Variants in DST observed in about 807,000 individuals in gnomAD.
DST encodes the protein dystonin.
A neutral mutation model predicts 875.2 loss-of-function variants in DST; 253 were observed. The ratio of observed to expected loss-of-function variants is 0.29; its 90% CI spans 0.26 to 0.32. The LOEUF (loss-of-function observed/expected upper bound fraction) is 0.32, where lower values mean the gene tolerates loss of function less well. Among genes scored for constraint, DST ranks in the 10% least tolerant of loss-of-function variants. The pLI, the probability that DST is intolerant of heterozygous loss-of-function variation, is 1.00. For missense variants in DST, 8,287 were observed against 9,111.6 expected (o/e 0.91, Z 3.68); for synonymous variants, 3,124 against 3,197.1 (o/e 0.98, Z 0.77).
chr6:56,685,430 G>A (rs1262632474), intron 9 of DST, among the ~76,000 whole-genome samples: 1 of 152,156 alleles, frequency 6.6e-6, no homozygotes, highest in Non-Finnish European at 1.5e-5. Flanking sequence ...TTAAAGAGAT[G>A]TAAATCAGAA....
At position 56,501,587 on chromosome 6, in the gene DST, A is replaced by G; in HGVS notation, c.19673T>C (p.Val6558Ala). 1 of 1,609,590 alleles carries G rather than the reference A, an allele frequency of 6.2e-7. No homozygotes were observed. The highest frequency in any genetic ancestry group is 2.2e-5 in the East Asian group (1 of 44,494). ...KVTEESDKHTVQDPLMELKLI... is the reference protein window; with the variant it reads ...KVTEESDKHTAQDPLMELKLI... The stretch of plus-strand genomic sequence containing the variant: ...TTTCAGTTCCATTAATGGGTCTTGA[A>G]CAGTGTGTTTGTCACTCTCTTCTGT... The change falls in exon 79 of 104, where the codon GTT (valine) becomes GCT (alanine). Residue 6558 changes from valine (V) to alanine (A), a missense_variant. Val to Ala is a moderately conservative substitution (Grantham distance 64). This residue lies in a region of DST where 1,292 missense variants were observed against 1,552.7 expected (regional missense o/e 0.83). Transcript: ENST00000680361.
intron 36 of DST, chr6:56,620,137 T>C: frequency 1.9e-6 from 3 of 1,613,674 alleles, no homozygotes; most frequent in Non-Finnish European, 2.5e-6. Context: ...GTTTCTGAAA[T>C]GCAAGGTCTT....
chr6:56,560,903 T>C (rs1319948858), intron 57 of DST, among the ~76,000 whole-genome samples: 1 of 152,156 alleles, frequency 6.6e-6, no homozygotes, highest in Non-Finnish European at 1.5e-5. Flanking sequence ...TTTCCCAACC[T>C]TGGCAGCTGT....
chr6:56,587,047 C>G (rs2098167743), intron 49 of DST, among the ~76,000 whole-genome samples: 1 of 152,204 alleles, frequency 6.6e-6, no homozygotes, highest in Non-Finnish European at 1.5e-5. Context: ...AGCAACGGAA[C>G]AAAGCTGGAC....
rs73465854 is a variant in DST at position 56,497,053 on chromosome 6, C to T, written c.20223+326G>A. Among the ~76,000 whole-genome samples the T allele has an allele frequency of 0.045, 6,823 of 152,002 alleles. 190 individuals are homozygous for T. Among genetic ancestry groups the T allele is most frequent in the African/African-American group, 0.076 (3,137 of 41,412 alleles). On this transcript the variant is annotated intron_variant, in intron 82 of 103. Transcript: ENST00000680361. ...GGGGGACAGATAGCATTAGGAGATA[C>T]ACCTAATGCTAAATGACGAGTTAAT...
At chr6:56,812,166 T>A (rs2099761172) in intron 4 of DST, among the ~76,000 whole-genome samples, 1 of 100,050 alleles carries the variant, frequency 1.0e-5, no homozygotes, top group African/African-American at 3.2e-5. Context: ...GAAAATATTC[T>A]ATGGCAACTG....
intron 4 of DST, among the ~76,000 whole-genome samples, chr6:56,838,405 G>A (rs187946047): frequency 5.3e-5 from 8 of 152,202 alleles, no homozygotes; most frequent in Non-Finnish European, 1.0e-4. Context: ...ATGACCCAAC[G>A]GCAGAAATAC....
intron 32 of DST, 75 bp downstream of exon 32, chr6:56,629,175 T>C: frequency 7.1e-7 from 1 of 1,418,286 alleles, no homozygotes; most frequent in Non-Finnish European, 1.0e-6. Context: ...AATAGCCTCA[T>C]ATGTGTAGAT....
intron 49 of DST, among the ~76,000 whole-genome samples, chr6:56,590,373 C>A (rs190409096): frequency 6.6e-6 from 1 of 152,168 alleles, no homozygotes; most frequent in East Asian, 1.9e-4. Context: ...TAATATAGAT[C>A]TAACTTAAAA....
In DST at chr6:56,616,283, G is replaced by T. The variant is rs766230683; in HGVS notation, c.4930-1799C>A. 14 of 1,613,882 alleles carry T rather than the reference G, an allele frequency of 8.7e-6. No homozygotes were observed. The highest frequency in any genetic ancestry group is 8.5e-6 in the Non-Finnish European group (10 of 1,180,024). On this transcript the variant is annotated intron_variant, in intron 36 of 103. Coordinates refer to ENST00000680361, the MANE Select transcript of DST (RefSeq NM_001374736.1). ...AATATTGAAGTGTAATCCTGTTTTA[G>T]TATCAGTCAGCATATGAGAAGAATG...
chr6:56,877,113 G>C (rs1049092706), intron 3 of DST, among the ~76,000 whole-genome samples: 5 of 152,298 alleles, frequency 3.3e-5, no homozygotes, highest in African/African-American at 1.2e-4. Context: ...CTCTTACCTA[G>C]ATACCTGGCT....
chr6:56,581,994 C>T (rs557061036), intron 49 of DST, among the ~76,000 whole-genome samples: 6 of 151,936 alleles, frequency 3.9e-5, no homozygotes, highest in African/African-American at 9.7e-5. Context: ...TTTTTCCACA[C>T]GTGCAAATCA....
intron 36 of DST, chr6:56,617,218 C>A (rs2098636158): frequency 6.2e-7 from 1 of 1,600,130 alleles, no homozygotes; most frequent in Admixed American, 1.7e-5. Flanking sequence ...ATTCATCATC[C>A]CTGACTGAAC....
rs1024195 is a variant in DST at position 56,642,337 on chromosome 6, T to C, written c.1872+73A>G. 0.64 allele frequency: 716,487 copies of C among 1,113,148 alleles called. 234,870 individuals carry two copies. Among genetic ancestry groups the C allele is most frequent in the African/African-American group, 0.93 (60,981 of 65,434 alleles). The allele number at this position is 1,113,148 out of a possible 1,614,324, so 69.0% of individuals were successfully genotyped here. A position where few individuals can be genotyped will look rare whatever the true frequency, so the allele number is the denominator to read the frequency against. On this transcript the variant is annotated intron_variant, in intron 16 of 103. Coordinates refer to ENST00000680361, the MANE Select transcript of DST (RefSeq NM_001374736.1). ...TACGAAGAATCAACCAAACATTATG[T>C]AAAAGTTTTAGTTCATCCAAACGCA... is the stretch of plus-strand genomic sequence containing the variant.
Position 56,803,699 on chromosome 6 carries a change from G to A in DST, c.625+47698C>T, listed in dbSNP as rs150498780. 3.7e-4 allele frequency among the ~76,000 whole-genome samples: 56 copies of A among 152,262 alleles called. No individual in the cohort carries two copies. In the East Asian group the frequency reaches 6.2e-3, roughly 17 times the overall value. Reference sequence around the variant, plus strand: ...CAACTCCCATCCTGACAGACCAAGAGTTCAAATACTTTAATACTGTGGTAA... The same window carrying A: ...CAACTCCCATCCTGACAGACCAAGAATTCAAATACTTTAATACTGTGGTAA... On this transcript the variant is annotated intron_variant, in intron 4 of 103. Transcript: ENST00000680361.
intron 98 of DST, chr6:56,466,532 G>T: frequency 6.0e-6 from 1 of 166,842 alleles, no homozygotes. Flanking sequence ...ACATAGCCAT[G>T]AAAGTAAGCA....
Position 56,601,958 on chromosome 6 carries a change from A to G in DST, c.11308-282T>C, listed in dbSNP as rs2098449820. The G allele has an allele frequency of 9.1e-6, 4 of 439,860 alleles. No individual in the cohort carries two copies. The East Asian group carries it at 2.4e-4, about 27-fold the overall frequency. The allele number at this position is 439,860 out of a possible 1,614,324, so 27.2% of individuals were successfully genotyped here. A position where few individuals can be genotyped will look rare whatever the true frequency, so the allele number is the denominator to read the frequency against. ...TTGCACTTAAAATATAACTCTGACA[A>G]AAGGCAAAGACCTAACTTAGGTATA... On this transcript the variant is annotated intron_variant, in intron 43 of 103. Transcript: ENST00000680361.
At position 56,482,107 on chromosome 6, in the gene DST, G is replaced by A; in HGVS notation, c.21474C>T (p.Phe7158=). The change falls in exon 90 of 104, where the codon TTC becomes TTT. Residue 7158 remains phenylalanine, a synonymous_variant. Coordinates refer to ENST00000680361, the MANE Select transcript of DST (RefSeq NM_001374736.1). Reference sequence around the variant, plus strand: ...CCTCATCATCTGGGAGGACACCATGGAAACGCAGGGTTTGCTCCGCCTCAG... The same window carrying A: ...CCTCATCATCTGGGAGGACACCATGAAAACGCAGGGTTTGCTCCGCCTCAG... ...WLAEAEQTLR[F]HGVLPDDEDA... is the part of the protein sequence containing the mutation. 1 of 1,613,584 alleles carries A rather than the reference G, an allele frequency of 6.2e-7. No individual in the cohort carries two copies. The highest frequency in any genetic ancestry group is 8.5e-7 in the Non-Finnish European group (1 of 1,179,772).
intron 82 of DST, among the ~76,000 whole-genome samples, chr6:56,495,943 T>C (rs2095886533): frequency 3.3e-5 from 5 of 152,116 alleles, no homozygotes; most frequent in African/African-American, 1.2e-4. Flanking sequence ...CAAAATTATT[T>C]CCAAATAAGA....
Sources: allele counts gnomAD v4.1 joint callset (sites outside exome capture counted in the v4.1 genomes callset), GRCh38; gene constraint gnomAD v4.1.1; regional missense constraint gnomAD v4.1.1; transcripts MANE v1.5; gene names NCBI Gene and HGNC (gene_info 2026-07-23, HGNC 2026-07-21).